DYNC2I2: variants seen among roughly 807,000 people sequenced by gnomAD.
DYNC2I2 encodes the protein dynein 2 intermediate chain 2, also known as cytoplasmic dynein 2 intermediate chain 2.
DYNC2I2 carries 39 observed loss-of-function variants against 52.0 expected under a neutral mutation model. The ratio of observed to expected loss-of-function variants is 0.75; its 90% confidence interval spans 0.58 to 0.98. DYNC2I2 has a LOEUF of 0.98. Among genes scored for constraint, DYNC2I2 ranks in the 50% least tolerant of loss-of-function variants. DYNC2I2 has a pLI of 0.00. For synonymous variants in DYNC2I2, 359 were observed against 321.1 expected (o/e 1.12, Z -1.26); for missense variants, 743 against 728.4 (o/e 1.02, Z -0.23).
At chr9:128,648,341 A>G (rs1860655042) in intron 1 of DYNC2I2, among the ~76,000 whole-genome samples, 1 of 152,144 alleles carries the variant, frequency 6.6e-6, no homozygotes, top group South Asian at 2.1e-4. Context: ...AGTAAGGTGG[A>G]GGTTGCAGTG....
In DYNC2I2 at chr9:128,656,002, G is replaced by A. The variant is rs577413459; in HGVS notation, c.186+539C>T. Among the ~76,000 whole-genome samples, 3 of 151,838 alleles carry A rather than the reference G, an allele frequency of 2.0e-5. No homozygotes were observed. The South Asian group carries it at 6.2e-4, about 32-fold the overall frequency. The stretch of plus-strand genomic sequence containing the variant: ...GAAGGAGGACAGCTTAAGCCCAGGA[G>A]TTGGAGACCAGCCAGGGCAACACAT... On this transcript the variant is annotated intron_variant, in intron 1 of 8. Coordinates refer to ENST00000372715, the MANE Select transcript of DYNC2I2 (RefSeq NM_052844.4).
Position 128,640,760 on chromosome 9 carries a change from C to T in DYNC2I2, c.366G>A (p.Glu122=). 6.2e-7 allele frequency: 1 copy of T among 1,614,206 alleles called. No individual in the cohort carries two copies. The highest frequency in any genetic ancestry group is 8.5e-7 in the Non-Finnish European group (1 of 1,180,040). Residue 122 remains glutamate (E), a synonymous_variant, in exon 2 of 9, where the codon GAG becomes GAA. Coordinates refer to ENST00000372715, the MANE Select transcript of DYNC2I2 (RefSeq NM_052844.4). ...LRRVEAMVIR[E]LNKNWQSHAF... is the part of the protein sequence containing the mutation. ...CGTGGCTCTGCCAATTCTTGTTCAG[C>T]TCTCGGATGACCATGGCCTCCACTC...
At chr9:128,634,184 C>G in intron 8 of DYNC2I2, 42 bp downstream of exon 8, 1 of 1,610,162 alleles carries the variant, frequency 6.2e-7, no homozygotes, top group South Asian at 1.1e-5. Context: ...GCCCAGACCA[C>G]CCACCCCTTA....
chr9:128,634,844 G>A lies in DYNC2I2; in HGVS notation c.1059C>T (p.Gly353=). The A allele has an allele frequency of 2.5e-6, 4 of 1,613,552 alleles. No individual in the cohort carries two copies. The highest frequency in any genetic ancestry group is 2.2e-5 in the East Asian group (1 of 44,872). ...SSFDPRLFIL[G]TEGGFPLKCS... ...ACTTGAGCGGGAAGCCGCCTTCCGT[G>A]CCCAGAATGAACAGCCTAGGGTCAA... The change falls in exon 7 of 9, where the codon GGC becomes GGT. Residue 353 remains glycine, a synonymous_variant. Coordinates refer to ENST00000372715, the MANE Select transcript of DYNC2I2 (RefSeq NM_052844.4).
upstream of DYNC2I2, among the ~76,000 whole-genome samples, chr9:128,659,240 G>A (rs547431875): frequency 2.0e-4 from 30 of 151,812 alleles, no homozygotes; most frequent in Admixed American, 1.6e-3. Context: ...GGCCGGGCGC[G>A]GTGGCTCACA....
the DYNC2I2 span, among the ~76,000 whole-genome samples, chr9:128,665,769 CAAAAAAA>C: frequency 8.3e-5 from 6 of 72,148 alleles, no homozygotes; most frequent in African/African-American, 1.0e-4. Flanking sequence ...GACTCTGTGT[CAAAAAAA>C]AAAAAAAAAA....
the DYNC2I2 span, among the ~76,000 whole-genome samples, chr9:128,666,542 A>G: frequency 6.6e-6 from 1 of 152,046 alleles, no homozygotes; most frequent in Non-Finnish European, 1.5e-5. Flanking sequence ...TGGGCGGATC[A>G]CTTGAGGTCA....
intron 4 of DYNC2I2, 39 bp downstream of exon 4, chr9:128,636,242 T>A: frequency 6.4e-7 from 1 of 1,552,416 alleles, no homozygotes; most frequent in East Asian, 2.4e-5. Context: ...GGAAGCTGAG[T>A]CCTGAGAGGA....
intron 2 of DYNC2I2, among the ~76,000 whole-genome samples, chr9:128,639,791 G>A (rs1301918993): frequency 1.4e-4 from 21 of 151,830 alleles, no homozygotes; most frequent in Admixed American, 1.1e-3. Context: ...TCAGCCTCCC[G>A]AGTAGCTGGA....
the DYNC2I2 span, among the ~76,000 whole-genome samples, chr9:128,674,090 G>A: frequency 2.0e-5 from 3 of 151,666 alleles, no homozygotes; most frequent in Non-Finnish European, 4.4e-5. Flanking sequence ...TTACAGGCAC[G>A]AGCCACCACA....
chr9:128,640,568 T>A (rs1027870305), intron 2 of DYNC2I2, 123 bp downstream of exon 2: 24 of 1,471,406 alleles, frequency 1.6e-5, no homozygotes, highest in African/African-American at 2.8e-5. Context: ...GGCAGGACAT[T>A]AGAGCCTGGT....
chr9:128,663,153 TATTTA>T, the DYNC2I2 span: 7 of 152,178 alleles, frequency 4.6e-5, no homozygotes, highest in African/African-American at 1.7e-4. Context: ...GTGGATTATT[TATTTA>T]TCTATCATGT....
rs376782086 is a variant in DYNC2I2 at position 128,634,212 on chromosome 9, C to T, written c.1372+14G>A. 1.0e-4 allele frequency: 166 copies of T among 1,610,004 alleles called. No homozygotes were observed. The highest frequency in any genetic ancestry group is 5.0e-4 in the Middle Eastern group (3 of 6,032). On this transcript the variant is annotated intron_variant, in intron 8 of 8. Coordinates refer to ENST00000372715, the MANE Select transcript of DYNC2I2 (RefSeq NM_052844.4). ...ACCCCTTAAACAGATCCAGGCCTAGCGGCCCCTTCCTACCTTTCCCAGAGG... is the reference window on the plus strand; with the variant it reads ...ACCCCTTAAACAGATCCAGGCCTAGTGGCCCCTTCCTACCTTTCCCAGAGG...
chr9:128,662,034 C>T, the DYNC2I2 span, among the ~76,000 whole-genome samples: 3 of 149,598 alleles, frequency 2.0e-5, no homozygotes, highest in African/African-American at 2.5e-5. Flanking sequence ...GAGCGAGACT[C>T]CATCTCAAAA....
chr9:128,683,908 C>T, the DYNC2I2 span: 7 of 1,552,488 alleles, frequency 4.5e-6, no homozygotes, highest in African/African-American at 1.4e-5. Context: ...GGCCCCTAAA[C>T]GCCAGTCTCC....
At chr9:128,637,352 C>T (rs535702496) in intron 2 of DYNC2I2, among the ~76,000 whole-genome samples, 4 of 152,248 alleles carry the variant, frequency 2.6e-5, no homozygotes, top group African/African-American at 4.8e-5. Flanking sequence ...CATAAAAGTG[C>T]CCAACGCGGC....
upstream of DYNC2I2, among the ~76,000 whole-genome samples, chr9:128,660,669 A>G (rs1860907438): frequency 6.6e-6 from 1 of 152,110 alleles, no homozygotes; most frequent in African/African-American, 2.4e-5. Context: ...TACTGGGATT[A>G]TAGGCATGGG....
chr9:128,671,303 T>TC, the DYNC2I2 span, among the ~76,000 whole-genome samples: 25 of 132,712 alleles, frequency 1.9e-4, no homozygotes, highest in Admixed American at 6.9e-4. Flanking sequence ...CCTGTCTCTC[T>TC]TTTTTTTTTT....
chr9:128,643,393 G>A (rs1317035805), intron 1 of DYNC2I2, among the ~76,000 whole-genome samples: 1 of 152,116 alleles, frequency 6.6e-6, no homozygotes, highest in Non-Finnish European at 1.5e-5. Flanking sequence ...CAGGTGCAGT[G>A]GCAGGCGCCT....
Sources: allele counts gnomAD v4.1 joint callset (sites outside exome capture counted in the v4.1 genomes callset), GRCh38; gene constraint gnomAD v4.1.1; transcripts MANE v1.5; gene names NCBI Gene and HGNC (gene_info 2026-07-23, HGNC 2026-07-21).